The following CXXC1 variants were observed in gnomAD, a reference collection of about 807,000 sequenced individuals.
The protein encoded by CXXC1 is CXXC finger protein 1.
CXXC1 carries 21 observed loss-of-function variants against 83.6 expected under a neutral mutation model. The observed-to-expected ratio is 0.25, with a 90% CI of 0.18 to 0.36. CXXC1 has a LOEUF of 0.36. Among genes scored for constraint, CXXC1 ranks in the 10% least tolerant of loss-of-function variants. The probability of loss-of-function intolerance (pLI) is 1.00; values close to 1 mark genes in which losing one functional copy is unlikely to be tolerated. For missense variants in CXXC1, 688 were observed against 919.5 expected (o/e 0.75, Z 3.26); for synonymous variants, 371 against 337.5 (o/e 1.10, Z -1.09).
Position 50,285,441 on chromosome 18 carries a change from C to G in CXXC1, c.640-90G>C. ...CTACCCACCTGGCCTGGCCTTACCT[C>G]CCCAGACACACCTCCCCGCTACCCC... On this transcript the variant is annotated intron_variant, in intron 5 of 14. Transcript: ENST00000285106. The surrounding 1 kb of genome is among the most constrained non-coding windows in gnomAD (Gnocchi z 4.4). 7.0e-7 allele frequency: 1 copy of G among 1,438,592 alleles called. No individual in the cohort carries two copies. The highest frequency in any genetic ancestry group is 9.3e-7 in the Non-Finnish European group (1 of 1,071,498). The allele number at this position is 1,438,592 out of a possible 1,614,324, so 89.1% of individuals were successfully genotyped here.
chr18:50,286,840 G>A lies in CXXC1; in HGVS notation c.22C>T (p.Pro8Ser), dbSNP rs1599676372. The A allele has an allele frequency of 6.2e-7, 1 of 1,613,378 alleles. No homozygotes were observed. MEGDGSD[P>S]EPPDAGEDSK... ...TCCTCCCCGGCATCTGGAGGCTCTGGGTCTGAACCATCTCCCTCCTGCAGG... is the reference window on the plus strand; with the variant it reads ...TCCTCCCCGGCATCTGGAGGCTCTGAGTCTGAACCATCTCCCTCCTGCAGG... The change falls in exon 2 of 15, where the codon CCA becomes TCA. Residue 8 changes from proline (P) to serine (S), a missense_variant. Transcript: ENST00000285106.
Position 50,284,739 on chromosome 18 carries a change from T to A in CXXC1, c.1013A>T (p.Glu338Val). ...KHVKRREKKS[E>V]KKKEERYKRH... ...CTTTACCCTCTCCATCACCTTCTTC[T>A]CAGACTTCTTCTCCCGACGCTTCAC... is the stretch of plus-strand genomic sequence containing the variant. The change falls in exon 8 of 15, where the codon GAG becomes GTG. Residue 338 changes from glutamate (E) to valine (V), a missense_variant. By Grantham distance (121) the Glu-to-Val change is moderately radical. This residue lies in a region of CXXC1 where 190 missense variants were observed against 199.7 expected (regional missense o/e 0.95). Coordinates refer to ENST00000285106, the MANE Select transcript of CXXC1 (RefSeq NM_014593.4). 7 of 1,613,798 alleles carry A rather than the reference T, an allele frequency of 4.3e-6. No individual in the cohort carries two copies. The highest frequency in any genetic ancestry group is 5.9e-6 in the Non-Finnish European group (7 of 1,179,872).
At chr18:50,287,225 G>T in intron 1 of CXXC1, 1 of 487,360 alleles carries the variant, frequency 2.1e-6, no homozygotes. Flanking sequence ...CCTGGCACCC[G>T]CACCCACCCC....
At position 50,285,651 on chromosome 18, in the gene CXXC1, C is replaced by A; in HGVS notation, c.639+98G>T. 1 of 1,447,066 alleles carries A rather than the reference C, an allele frequency of 6.9e-7. No individual in the cohort carries two copies. The highest frequency in any genetic ancestry group is 2.3e-5 in the East Asian group (1 of 44,026). The allele number at this position is 1,447,066 out of a possible 1,614,324, so 89.6% of individuals were successfully genotyped here. On this transcript the variant is annotated intron_variant, in intron 5 of 14. Coordinates refer to ENST00000285106, the MANE Select transcript of CXXC1 (RefSeq NM_014593.4). This position sits in a 1 kb window ranked among gnomAD's most constrained non-coding sequence, Gnocchi z 4.4. ...CCACCTGTCAGGATACAGTCAGGCC[C>A]AATCCCACCTGGTTTATCCATGCCT...
chr18:50,282,501 C>T lies in CXXC1; in HGVS notation c.*92G>A, dbSNP rs1048102941. On this transcript the variant is annotated 3_prime_UTR_variant, in exon 15 of 15. Coordinates refer to ENST00000285106, the MANE Select transcript of CXXC1 (RefSeq NM_014593.4). The surrounding 1 kb of genome is among the most constrained non-coding windows in gnomAD (Gnocchi z 5.8). ...ACCGGTGGATGGGCACAGGGAGAAC[C>T]GGAGAAACAGATGAGTGGAGGAACG... 4.0e-6 allele frequency: 6 copies of T among 1,502,504 alleles called. No homozygotes were observed. Among genetic ancestry groups the T allele is most frequent in the Non-Finnish European group, 5.4e-6 (6 of 1,101,972 alleles). The allele number at this position is 1,502,504 out of a possible 1,614,324, so 93.1% of individuals were successfully genotyped here.
chr18:50,283,863 G>T, intron 10 of CXXC1, 31 bp downstream of exon 10: 1 of 1,613,858 alleles, frequency 6.2e-7, no homozygotes, highest in Non-Finnish European at 8.5e-7. Flanking sequence ...CAAAGTACAG[G>T]CCCTGCTCTG....
chr18:50,287,378 AG>A (rs1390213118), intron 1 of CXXC1: 1 of 598,740 alleles, frequency 1.7e-6, no homozygotes, highest in Admixed American at 3.0e-5. Flanking sequence ...TGCCACACGG[AG>A]TCCCCACTAA....
chr18:50,285,840 T>C lies in CXXC1; in HGVS notation c.548A>G (p.His183Arg). The C allele has an allele frequency of 6.2e-7, 1 of 1,614,234 alleles. No individual in the cohort carries two copies. Among genetic ancestry groups the C allele is most frequent in the Non-Finnish European group, 8.5e-7 (1 of 1,180,046 alleles). Residue 183 changes from histidine to arginine, a missense_variant, in exon 5 of 15, where the codon CAC becomes CGC. Transcript: ENST00000285106. The surrounding 1 kb of genome is among the most constrained non-coding windows in gnomAD (Gnocchi z 4.4). ...EACRRTEDCG[H>R]CDFCRDMKKF... The stretch of plus-strand genomic sequence containing the variant: ...CTTCATGTCCCGACAGAAATCACAG[T>C]GACCACAGTCCTCAGTGCGCCGACA...
At position 50,282,989 on chromosome 18, in the gene CXXC1, T is replaced by C; in HGVS notation, c.1689A>G (p.Val563=). ...CATCACGTACAAGGGGGCACCCGCA[T>C]ACCTCGTCAGCTGGCACCTGCAAGG... ...SRDPKVPADE[V]CGCPLVRDVF... Residue 563 remains valine, a synonymous_variant, in exon 14 of 15, where the codon GTA becomes GTG. Coordinates refer to ENST00000285106, the MANE Select transcript of CXXC1 (RefSeq NM_014593.4). The surrounding 1 kb of genome is among the most constrained non-coding windows in gnomAD (Gnocchi z 5.8). The C allele has an allele frequency of 2.5e-6, 4 of 1,614,080 alleles. No individual in the cohort carries two copies. Among genetic ancestry groups the C allele is most frequent in the South Asian group, 1.1e-5 (1 of 91,086 alleles).
In CXXC1 at chr18:50,283,835, C is replaced by A. The variant is rs1365262073; in HGVS notation, c.1414-20G>T. The A allele has an allele frequency of 1.9e-6, 3 of 1,613,936 alleles. No homozygotes were observed. The highest frequency in any genetic ancestry group is 4.5e-5 in the East Asian group (2 of 44,888). On this transcript the variant is annotated intron_variant, in intron 10 of 14. Transcript: ENST00000285106. ...GTTGCTCTGCATGGAATGGAAGGAA[C>A]AATAAGGCTGGGAAGGACAAAGTAC...
At chr18:50,284,636 G>A in intron 8 of CXXC1, 74 bp from the exon 9 acceptor site, 1 of 1,603,622 alleles carries the variant, frequency 6.2e-7, no homozygotes, top group Non-Finnish European at 8.5e-7. Context: ...CTCCATTCTA[G>A]CCCTTTCTGG....
chr18:50,283,871 C>G, intron 10 of CXXC1, 23 bp downstream of exon 10: 1 of 1,613,994 alleles, frequency 6.2e-7, no homozygotes, highest in Non-Finnish European at 8.5e-7. Context: ...AGGCCCTGCT[C>G]TGCTGCGCCC....
At position 50,284,422 on chromosome 18, in the gene CXXC1, G is replaced by A. The variant is rs1267093049; in HGVS notation, c.1161C>T (p.Ser387=). The change falls in exon 9 of 15, where the codon AGC becomes AGT. Residue 387 remains serine (S), a synonymous_variant. Coordinates refer to ENST00000285106, the MANE Select transcript of CXXC1 (RefSeq NM_014593.4). ...GPGCVRPAQP[S]SKYCSDDCGM... is the part of the protein sequence containing the mutation. ...CACAGTCATCTGAGCAATACTTGGA[G>A]CTGGGCTGGGCGGGGCGCACACAGC... The A allele has an allele frequency of 3.8e-6, 6 of 1,581,114 alleles. No homozygotes were observed. The Admixed American group carries it at 9.2e-5, about 24-fold the overall frequency.
intron 9 of CXXC1, 93 bp downstream of exon 9, chr18:50,284,285 G>A: frequency 1.3e-6 from 2 of 1,516,316 alleles, no homozygotes; most frequent in Admixed American, 1.9e-5. Flanking sequence ...GGTGACTGGT[G>A]GATAGCTGAT....
chr18:50,287,478 A>C (rs1280710047), intron 1 of CXXC1, 109 bp downstream of exon 1: 2 of 1,360,826 alleles, frequency 1.5e-6, no homozygotes, highest in Admixed American at 1.8e-5. Flanking sequence ...CGTTCAGTCC[A>C]CAGACTCCGG....
intron 3 of CXXC1, 97 bp downstream of exon 3, chr18:50,286,442 C>G (rs890256388): frequency 8.7e-6 from 10 of 1,152,746 alleles, no homozygotes; most frequent in Non-Finnish European, 1.2e-5. Flanking sequence ...TCCAGCTCAC[C>G]ACAGACGTGT....
chr18:50,287,660 G>T lies in CXXC1; in HGVS notation c.-71C>A. The stretch of plus-strand genomic sequence containing the variant: ...GCGAACCTGCACAGACCACTCGGCG[G>T]CGTCCCAGGCGGTTGCAAAGGCGCC... On this transcript the variant is annotated 5_prime_UTR_variant, in exon 1 of 15. Coordinates refer to ENST00000285106, the MANE Select transcript of CXXC1 (RefSeq NM_014593.4). 1 of 1,592,554 alleles carries T rather than the reference G, an allele frequency of 6.3e-7. No individual in the cohort carries two copies. Among genetic ancestry groups the T allele is most frequent in the Non-Finnish European group, 8.5e-7 (1 of 1,172,838 alleles).
Position 50,282,753 on chromosome 18 carries a change from G to T in CXXC1, c.1825-14C>A. 6.2e-7 allele frequency: 1 copy of T among 1,613,572 alleles called. No homozygotes were observed. The highest frequency in any genetic ancestry group is 8.5e-7 in the Non-Finnish European group (1 of 1,179,794). ...CAGCTTGTACCACTGCCAAGGGAGC[G>T]GCAGGAGTCCTAAGCAGGAACACCT... is the stretch of plus-strand genomic sequence containing the variant. On this transcript the variant is annotated splice_polypyrimidine_tract_variant and intron_variant, in intron 14 of 14. Transcript: ENST00000285106. The surrounding 1 kb of genome is among the most constrained non-coding windows in gnomAD (Gnocchi z 5.8).
chr18:50,282,606 C>T lies in CXXC1; in HGVS notation c.1958G>A (p.Ser653Asn). ...HDPLTTDLRS[S>N]ADR ...GGGCCAGGAGGCTCAGCGGTCGGCACTGGAGCGCAGGTCGGTAGTGAGGGG... is the reference window on the plus strand; with the variant it reads ...GGGCCAGGAGGCTCAGCGGTCGGCATTGGAGCGCAGGTCGGTAGTGAGGGG... The change falls in exon 15 of 15, where the codon AGT becomes AAT. Residue 653 changes from serine to asparagine, a missense_variant. By Grantham distance (46) the Ser-to-Asn change is conservative. Coordinates refer to ENST00000285106, the MANE Select transcript of CXXC1 (RefSeq NM_014593.4). This position sits in a 1 kb window ranked among gnomAD's most constrained non-coding sequence, Gnocchi z 5.8. 4 of 1,610,088 alleles carry T rather than the reference C, an allele frequency of 2.5e-6. No homozygotes were observed. The highest frequency in any genetic ancestry group is 3.4e-6 in the Non-Finnish European group (4 of 1,180,008).
Sources: gnomAD v4.1 joint callset for allele counts on GRCh38, gnomAD v4.1.1 for gene constraint, gnomAD v4.1.1 regional missense constraint, Gnocchi (gnomAD v3.1) non-coding constraint, MANE v1.5 for transcripts, NCBI Gene and HGNC (gene_info 2026-07-23, HGNC 2026-07-21) for gene names.